The following TMEM230 variants were observed in gnomAD, a reference collection of about 807,000 sequenced individuals.
TMEM230 encodes the protein transmembrane protein 230.
Under a neutral mutation model 15.8 loss-of-function variants are expected in TMEM230, and 10 were observed. The ratio of observed to expected loss-of-function variants is 0.63; its 90% confidence interval spans 0.39 to 1.07. TMEM230 has a LOEUF of 1.07. TMEM230 is among the 50% of genes least tolerant of loss of function. The pLI is 0.01. For missense variants in TMEM230, 165 were observed against 193.3 expected (o/e 0.85, Z 0.87); for synonymous variants, 67 against 76.9 (o/e 0.87, Z 0.68).
the TMEM230 span, among the ~76,000 whole-genome samples, chr20:5,062,378 A>G: frequency 7.9e-5 from 12 of 151,858 alleles, no homozygotes; most frequent in African/African-American, 2.9e-4. Flanking sequence ...TCAATTAAAA[A>G]AAAAAAAAAA....
exon 4 of TMEM230, chr20:5,069,287 A>G (rs2122532243): frequency 6.5e-7 from 1 of 1,535,818 alleles, no homozygotes; most frequent in Non-Finnish European, 8.7e-7. Flanking sequence ...TCATGTACCC[A>G]CGGGATGCTG....
At chr20:5,078,002 G>A (rs915925069) in intron 3 of TMEM230, among the ~76,000 whole-genome samples, 8 of 151,992 alleles carry the variant, frequency 5.3e-5, no homozygotes, top group African/African-American at 1.9e-4. Flanking sequence ...TCACTGAGGT[G>A]ATATTTGTAT....
At chr20:5,106,055 AAAAC>A in intron 4 of TMEM230, 129 bp downstream of exon 3, 4 of 1,393,230 alleles carry the variant, frequency 2.9e-6, no homozygotes, top group Non-Finnish European at 3.8e-6. Flanking sequence ...TGTCTCAAAA[AAAAC>A]AGACCACTGG....
intron 4 of TMEM230, among the ~76,000 whole-genome samples, chr20:5,104,427 C>T (rs1049273153): frequency 6.6e-6 from 1 of 152,152 alleles, no homozygotes; most frequent in South Asian, 2.1e-4. Flanking sequence ...AAAGGGAACC[C>T]TCGTACAATG....
At chr20:5,069,438 A>G (rs770590030) in intron 3 of TMEM230, 1 of 1,386,646 alleles carries the variant, frequency 7.2e-7, no homozygotes, top group Admixed American at 2.5e-5. Flanking sequence ...ATCACATCTT[A>G]TGCATTTTGG....
At chr20:5,097,154 G>A (rs765836067), downstream of TMEM230, among the ~76,000 whole-genome samples, 4 of 152,120 alleles carry the variant, frequency 2.6e-5, no homozygotes, top group Non-Finnish European at 4.4e-5. Context: ...ATCCTCAAAC[G>A]CAGGCCAACA....
rs1568505019 is a variant in TMEM230, at chr20:5,106,224, TATA to T, written c.372_374del (p.Ile125del). 1.2e-6 allele frequency: 2 copies of T among 1,613,802 alleles called. No individual in the cohort carries two copies. Among genetic ancestry groups the T allele is most frequent in the South Asian group, 2.2e-5 (2 of 91,078 alleles). Reference sequence around the variant, plus strand: ...TGTAGCCTGACAGCAGGAGGGAGCCTATAATAATGAGAAAGGCGCCAATCAAAA... The same window carrying T: ...TGTAGCCTGACAGCAGGAGGGAGCCTATAATGAGAAAGGCGCCAATCAAAA... On this transcript the variant is annotated inframe_deletion, in exon 4 of 5. Coordinates refer to ENST00000342308, the MANE Select transcript of TMEM230 (RefSeq NM_001009923.2).
At position 5,113,074 on chromosome 20, in the gene TMEM230, A is replaced by G; in HGVS notation, c.-46T>C. On this transcript the variant is annotated 5_prime_UTR_variant, in exon 1 of 5. Transcript: ENST00000342308. ...CACTCAGCCGGCCCCAGGCGGGATC[A>G]GTGCGCCGGAAGTGGCGTGCCGGAA... 2 of 1,536,702 alleles carry G rather than the reference A, an allele frequency of 1.3e-6. No homozygotes were observed. Among genetic ancestry groups the G allele is most frequent in the Non-Finnish European group, 1.7e-6 (2 of 1,144,978 alleles).
At chr20:5,086,441 A>C (rs1460952016) in intron 3 of TMEM230, among the ~76,000 whole-genome samples, 5 of 149,726 alleles carry the variant, frequency 3.3e-5, no homozygotes, top group Non-Finnish European at 7.4e-5. Flanking sequence ...TGGGAGGCTA[A>C]GGCTGGAGGA....
chr20:5,108,043 G>A (rs1019874488), intron 3 of TMEM230, among the ~76,000 whole-genome samples: 1 of 151,998 alleles, frequency 6.6e-6, no homozygotes, highest in African/African-American at 2.4e-5. Context: ...GAACCAGGAG[G>A]GGGAGGTTGC....
chr20:5,069,381 C>T, intron 3 of TMEM230: 1 of 1,513,302 alleles, frequency 6.6e-7, no homozygotes, highest in Non-Finnish European at 8.8e-7. Context: ...TCAATTCCAC[C>T]ACAAGTTCTG....
intron 3 of TMEM230, among the ~76,000 whole-genome samples, chr20:5,077,568 G>A (rs1187503844): frequency 7.6e-6 from 1 of 132,070 alleles, no homozygotes; most frequent in Admixed American, 7.5e-5. Flanking sequence ...GCATGGTGGC[G>A]CACACCTGTA....
At chr20:5,098,813 A>G (rs111751542), downstream of TMEM230, among the ~76,000 whole-genome samples, 29 of 150,822 alleles carry the variant, frequency 1.9e-4, no homozygotes, top group East Asian at 9.7e-4. Flanking sequence ...TGGGGGGGGG[A>G]AATTATAGAA....
Position 5,081,119 on chromosome 20 carries a change from T to C in TMEM230, c.223-11770A>G, listed in dbSNP as rs1329244804. ...ATAAAACAAAACTGGTCTTCCATCA[T>C]AGATTGTTTGATAAGTGCTTCTTTA... On this transcript the variant is annotated intron_variant, in intron 3 of 3. Transcript: ENST00000612323. 2.6e-5 allele frequency among the ~76,000 whole-genome samples: 4 copies of C among 152,238 alleles called. No individual in the cohort carries two copies. In the East Asian group the frequency reaches 5.8e-4, roughly 22 times the overall value.
chr20:5,101,906 G>C (rs989358096), intron 4 of TMEM230, among the ~76,000 whole-genome samples: 1 of 152,184 alleles, frequency 6.6e-6, no homozygotes, highest in Non-Finnish European at 1.5e-5. Flanking sequence ...ACTGACTTAC[G>C]AGGCACAGTG....
intron 3 of TMEM230, among the ~76,000 whole-genome samples, chr20:5,069,723 C>T (rs1426518518): frequency 6.6e-6 from 1 of 151,670 alleles, no homozygotes; most frequent in Admixed American, 6.6e-5. Flanking sequence ...TTTCCTTTTT[C>T]CTTTGTGAGA....
In TMEM230 at chr20:5,101,433, T is replaced by C. The variant is rs547977858; in HGVS notation, c.412-502A>G. Among the ~76,000 whole-genome samples the C allele has an allele frequency of 2.6e-5, 4 of 152,298 alleles. No individual in the cohort carries two copies. In the East Asian group the frequency reaches 5.8e-4, roughly 22 times the overall value. ...TTTCTTTTCTTTCTCTTTTTTCTTT[T>C]TTTTTGAGGTAAGAGTCTTGCTCTG... is the stretch of plus-strand genomic sequence containing the variant. On this transcript the variant is annotated intron_variant, in intron 4 of 4. Transcript: ENST00000342308.
chr20:5,080,133 TAGA>T (rs1341238439), intron 3 of TMEM230, among the ~76,000 whole-genome samples: 2 of 152,216 alleles, frequency 1.3e-5, no homozygotes, highest in Admixed American at 1.3e-4. Context: ...TCTAGTAGAG[TAGA>T]AGTTCTCTCA....
chr20:5,072,423 A>G (rs1457795761), intron 3 of TMEM230, among the ~76,000 whole-genome samples: 1 of 152,178 alleles, frequency 6.6e-6, no homozygotes, highest in Non-Finnish European at 1.5e-5. Context: ...TGATGGTTCC[A>G]GGGAAGGATA....
Sources: allele counts gnomAD v4.1 joint callset (sites outside exome capture counted in the v4.1 genomes callset), GRCh38; gene constraint gnomAD v4.1.1; transcripts MANE v1.5; gene names NCBI Gene and HGNC (gene_info 2026-07-23, HGNC 2026-07-21).